Variants in GRB14 observed in about 807,000 individuals in gnomAD.
GRB14 encodes growth factor receptor-bound protein 14.
A neutral mutation model predicts 69.1 loss-of-function variants in GRB14; 38 were observed. That is an observed-to-expected ratio of 0.55 (90% CI 0.42 to 0.72). The LOEUF is 0.72. Ranked by LOEUF, GRB14 falls within the 30% of genes least tolerant of loss-of-function variation. GRB14 has a pLI of 0.00. For synonymous variants in GRB14, 247 were observed against 241.3 expected (o/e 1.02, Z -0.22); for missense variants, 666 against 666.1 (o/e 1.00, Z 0.00).
chr2:164,560,310 A>G (rs1433297982), intron 2 of GRB14, among the ~76,000 whole-genome samples: 1 of 152,264 alleles, frequency 6.6e-6, no homozygotes, highest in Non-Finnish European at 1.5e-5. Flanking sequence ...AAAAAAGACT[A>G]TTTTTCTTCA....
intron 6 of GRB14, among the ~76,000 whole-genome samples, chr2:164,509,196 T>G (rs2105267400): frequency 6.6e-6 from 1 of 152,364 alleles, no homozygotes; most frequent in South Asian, 2.1e-4. Context: ...AACGTATTCC[T>G]CATCCAGCTT....
intron 2 of GRB14, among the ~76,000 whole-genome samples, chr2:164,587,658 C>G (rs938449008): frequency 2.0e-5 from 3 of 152,190 alleles, no homozygotes; most frequent in Admixed American, 1.3e-4. Context: ...CCATCAATTA[C>G]TTTAAACTCC....
Position 164,522,063 on chromosome 2 carries a change from C to T in GRB14, c.733G>A (p.Glu245Lys). The change falls in exon 6 of 14, where the codon GAA becomes AAA. Residue 245 changes from glutamate (E) to lysine (K), a missense_variant. Transcript: ENST00000263915. ...PEIHGFLHAK[E>K]QGKKSWKKIY... ...TTTTTCCAAGACTTCTTTCCCTGTT[C>T]TTTCGCATGTAAGAAACCATGAATT... The T allele has an allele frequency of 1.2e-6, 2 of 1,603,672 alleles. No individual in the cohort carries two copies. Among genetic ancestry groups the T allele is most frequent in the Non-Finnish European group, 8.5e-7 (1 of 1,172,250 alleles).
chr2:164,541,722 AAC>A (rs947114571), intron 3 of GRB14, among the ~76,000 whole-genome samples: 2 of 151,942 alleles, frequency 1.3e-5, no homozygotes, highest in Non-Finnish European at 2.9e-5. Flanking sequence ...CAATTCAAGA[AAC>A]ACACACACAT....
chr2:164,560,064 A>G (rs1304631541), intron 2 of GRB14, among the ~76,000 whole-genome samples: 1 of 152,152 alleles, frequency 6.6e-6, no homozygotes, highest in Non-Finnish European at 1.5e-5. Context: ...CTGAAGCTGG[A>G]GTCTTGACCT....
chr2:164,539,445 C>T (rs187337359), intron 3 of GRB14, among the ~76,000 whole-genome samples: 103 of 150,806 alleles, frequency 6.8e-4, no homozygotes, highest in Non-Finnish European at 1.4e-3. Flanking sequence ...CTGTACTCCA[C>T]CCTGGGCGAC....
Position 164,621,097 on chromosome 2 carries a change from C to T in GRB14, c.191+22G>A. On this transcript the variant is annotated intron_variant, in intron 1 of 13. Coordinates refer to ENST00000263915, the MANE Select transcript of GRB14 (RefSeq NM_004490.3). This position sits in a 1 kb window ranked among gnomAD's most constrained non-coding sequence, Gnocchi z 6.0. ...CGGCTGCCCAGCCAGGACACTCCCC[C>T]GCGCCCTCCAGGGTTGCCTACCTGT... 1 of 1,245,904 alleles carries T rather than the reference C, an allele frequency of 8.0e-7. No homozygotes were observed. The highest frequency in any genetic ancestry group is 4.1e-5 in the South Asian group (1 of 24,370). 77.2% of individuals were successfully genotyped at this position (1,245,904 alleles called of 1,614,324 possible).
intron 9 of GRB14, 147 bp from the exon 10 acceptor site, chr2:164,497,637 G>A: frequency 1.7e-6 from 1 of 601,148 alleles, no homozygotes; most frequent in Non-Finnish European, 3.0e-6. Context: ...GCCTGAAGGG[G>A]CTAGCAGAAT....
At chr2:164,581,170 C>T (rs956215322) in intron 2 of GRB14, among the ~76,000 whole-genome samples, 4 of 152,112 alleles carry the variant, frequency 2.6e-5, no homozygotes, top group African/African-American at 9.7e-5. Flanking sequence ...CCCTTCTTTC[C>T]TTTAGGGCCT....
chr2:164,581,742 C>G (rs900680052), intron 2 of GRB14, among the ~76,000 whole-genome samples: 2 of 152,172 alleles, frequency 1.3e-5, no homozygotes, highest in Admixed American at 6.5e-5. Context: ...TGCCTATTTC[C>G]TTCCCAGCTT....
chr2:164,609,600 C>T (rs1690120303), intron 2 of GRB14, among the ~76,000 whole-genome samples: 1 of 152,128 alleles, frequency 6.6e-6, no homozygotes, highest in Admixed American at 6.5e-5. Flanking sequence ...ATATAAATTA[C>T]ATAAATTCAG....
At chr2:164,544,051 A>C (rs992207942) in intron 3 of GRB14, among the ~76,000 whole-genome samples, 2 of 152,218 alleles carry the variant, frequency 1.3e-5, no homozygotes, top group African/African-American at 4.8e-5. Context: ...AAACACAAGA[A>C]GGCTCTGGAA....
intron 2 of GRB14, among the ~76,000 whole-genome samples, chr2:164,578,522 G>GCACACACACAAA (rs1689310116): frequency 6.9e-6 from 1 of 145,588 alleles, no homozygotes; most frequent in African/African-American, 2.5e-5. Context: ...CAATTCGCGC[G>GCACACACACAAA]CACACACACA....
At chr2:164,531,511 C>G (rs185518977) in intron 3 of GRB14, among the ~76,000 whole-genome samples, 45 of 152,220 alleles carry the variant, frequency 3.0e-4, no homozygotes, top group Admixed American at 5.2e-4. Context: ...GAAAAAATAG[C>G]AAAGAGGCAT....
At chr2:164,603,040 A>G (rs1438142483) in intron 2 of GRB14, among the ~76,000 whole-genome samples, 1 of 152,194 alleles carries the variant, frequency 6.6e-6, no homozygotes, top group Non-Finnish European at 1.5e-5. Flanking sequence ...TATGAGATGG[A>G]AAGGATTAGA....
chr2:164,610,911 CA>C (rs375922623), intron 2 of GRB14, among the ~76,000 whole-genome samples: 1,376 of 126,706 alleles, frequency 0.011, 16 homozygotes, highest in African/African-American at 0.037. Context: ...TTAGGCTGGT[CA>C]AAAAAAAAAA....
chr2:164,562,096 T>C (rs1688844518), intron 2 of GRB14, among the ~76,000 whole-genome samples: 2 of 152,250 alleles, frequency 1.3e-5, no homozygotes, highest in Admixed American at 1.3e-4. Flanking sequence ...ACCAACTTTG[T>C]GCCTTCTATG....
At chr2:164,573,248 T>C (rs1481813282) in intron 2 of GRB14, among the ~76,000 whole-genome samples, 2 of 152,224 alleles carry the variant, frequency 1.3e-5, no homozygotes. Flanking sequence ...CCAGAATACC[T>C]AGCAGAGTGT....
intron 2 of GRB14, among the ~76,000 whole-genome samples, chr2:164,615,040 C>T (rs1225952601): frequency 6.6e-6 from 1 of 152,094 alleles, no homozygotes; most frequent in Non-Finnish European, 1.5e-5. Context: ...ATAAAGAATA[C>T]ACTAGAAACA....
Sources: allele counts gnomAD v4.1 joint callset (sites outside exome capture counted in the v4.1 genomes callset), GRCh38; gene constraint gnomAD v4.1.1; non-coding constraint Gnocchi (gnomAD v3.1); transcripts MANE v1.5; gene names NCBI Gene and HGNC (gene_info 2026-07-23, HGNC 2026-07-21).